The following PCDHA6 variants were observed in gnomAD, a reference collection of about 807,000 sequenced individuals.
PCDHA6 encodes protocadherin alpha-6.
Under a neutral mutation model 60.3 loss-of-function variants are expected in PCDHA6, and 55 were observed. That is an observed-to-expected ratio of 0.91 (90% CI 0.73 to 1.14). The LOEUF (loss-of-function observed/expected upper bound fraction) is 1.14, where lower values mean the gene tolerates loss of function less well. PCDHA6 is among the 50% of genes most tolerant of loss of function. PCDHA6 has a pLI of 0.00. For synonymous variants in PCDHA6, 652 were observed against 557.9 expected (o/e 1.17, Z -2.38); for missense variants, 1,327 against 1,256.5 (o/e 1.06, Z -0.85).
chr5:141,006,357 G>A (rs1296731156), intron 3 of PCDHA6, among the ~76,000 whole-genome samples: 1 of 151,914 alleles, frequency 6.6e-6, no homozygotes, highest in Middle Eastern at 3.4e-3. Context: ...GACTATAGGC[G>A]CCCACCACCA....
chr5:140,968,942 T>C (rs782129541), intron 1 of PCDHA6: 2 of 1,614,214 alleles, frequency 1.2e-6, no homozygotes, highest in South Asian at 2.2e-5. Context: ...AATCATCATT[T>C]TGAGCATCAT....
chr5:140,836,091 G>A, intron 1 of PCDHA6: 1 of 1,613,712 alleles, frequency 6.2e-7, no homozygotes, highest in Non-Finnish European at 8.5e-7. Flanking sequence ...GGCGCCTCGG[G>A]TGGGTGGCAC....
intron 1 of PCDHA6, chr5:140,877,326 G>A: frequency 1.9e-6 from 3 of 1,613,964 alleles, no homozygotes. Flanking sequence ...CGGTCGGCGC[G>A]CACATCCCGT....
At chr5:140,957,852 AT>A (rs5871756) in intron 1 of PCDHA6, among the ~76,000 whole-genome samples, 2 of 151,658 alleles carry the variant, frequency 1.3e-5, no homozygotes, top group African/African-American at 2.4e-5. Context: ...GAGTTTGTGT[AT>A]TTTTTTTCCT....
chr5:140,851,638 T>C, intron 1 of PCDHA6: 1 of 915,858 alleles, frequency 1.1e-6, no homozygotes, highest in Non-Finnish European at 1.3e-6. Flanking sequence ...AAGTGTTTCC[T>C]TTCTTCAAGA....
At position 140,852,208 on chromosome 5, in the gene PCDHA6, C is replaced by G. The variant is rs536842960; in HGVS notation, c.2394+21723C>G. On this transcript the variant is annotated intron_variant, in intron 1 of 3. Transcript: ENST00000529310. ...AAATGCCAGTAACGTTTATTTAAAA[C>G]AAAATATTTTAATTTTTAAATTTTC... 9.1e-6 allele frequency: 6 copies of G among 657,544 alleles called. No homozygotes were observed. In the African/African-American group the frequency reaches 1.2e-4, roughly 13 times the overall value. The allele number at this position is 657,544 out of a possible 1,614,324, so 40.7% of individuals were successfully genotyped here. A position where few individuals can be genotyped will look rare whatever the true frequency, so the allele number is the denominator to read the frequency against.
At chr5:140,867,685 T>C (rs2050105980) in intron 1 of PCDHA6, 1 of 152,116 alleles carries the variant, frequency 6.6e-6, no homozygotes, top group African/African-American at 2.4e-5. Context: ...TGTTGCATCT[T>C]CTTTTTTTCC....
At chr5:140,880,688 A>T (rs1033069078) in intron 1 of PCDHA6, among the ~76,000 whole-genome samples, 2 of 152,224 alleles carry the variant, frequency 1.3e-5, no homozygotes, top group East Asian at 3.8e-4. Flanking sequence ...GAGAATAGTC[A>T]TGGTTAAGTG....
intron 1 of PCDHA6, chr5:140,870,533 C>T (rs1185177447): frequency 1.2e-6 from 2 of 1,614,050 alleles, no homozygotes; most frequent in East Asian, 2.2e-5. Flanking sequence ...TTCACAGTGT[C>T]GGCGCGGGAC....
At chr5:140,929,390 T>C in intron 1 of PCDHA6, 1 of 1,511,570 alleles carries the variant, frequency 6.6e-7, no homozygotes, top group Non-Finnish European at 8.8e-7. Flanking sequence ...TGTTTTGAAA[T>C]ATTTCTTAGA....
chr5:140,834,619 T>C, intron 1 of PCDHA6: 1 of 1,614,188 alleles, frequency 6.2e-7, no homozygotes, highest in Non-Finnish European at 8.5e-7. Flanking sequence ...GAGGTAAATC[T>C]GCAGAATGGC....
intron 1 of PCDHA6, chr5:140,848,328 G>C (rs1554142059): frequency 1.2e-6 from 1 of 817,064 alleles, no homozygotes; most frequent in African/African-American, 1.7e-5. Context: ...TGTTCTCTCT[G>C]AATCCAGACA....
rs199809889 is a variant in PCDHA6, at chr5:140,883,348, A to C, written c.2394+52863A>C. On this transcript the variant is annotated intron_variant, in intron 1 of 3. Transcript: ENST00000529310. ...TCACTTCTTTGTCACTCCCCATCAGAGAAGACACTCAGCCTAGCGCCATTA... is the reference window on the plus strand; with the variant it reads ...TCACTTCTTTGTCACTCCCCATCAGCGAAGACACTCAGCCTAGCGCCATTA... The C allele has an allele frequency of 1.9e-6, 3 of 1,614,172 alleles. No homozygotes were observed. In the African/African-American group the frequency reaches 4.0e-5, roughly 22 times the overall value.
intron 1 of PCDHA6, among the ~76,000 whole-genome samples, chr5:140,839,682 A>T (rs916562974): frequency 3.3e-5 from 5 of 152,030 alleles, no homozygotes; most frequent in African/African-American, 4.8e-5. Context: ...AACTACAGAG[A>T]TTTTTTTGGG....
At chr5:140,862,566 T>C (rs1440139064) in intron 1 of PCDHA6, 1 of 478,068 alleles carries the variant, frequency 2.1e-6, no homozygotes, top group Non-Finnish European at 4.3e-6. Context: ...TGAACCACAA[T>C]GCCCTGGCGT....
intron 1 of PCDHA6, among the ~76,000 whole-genome samples, chr5:140,838,280 A>ATTTTTTTT (rs34299325): frequency 2.9e-5 from 4 of 139,572 alleles, no homozygotes; most frequent in African/African-American, 8.2e-5. Flanking sequence ...AGCCATGCTA[A>ATTTTTTTT]TTTTTTTTTT....
chr5:140,938,758 A>T (rs2153638695), intron 1 of PCDHA6, among the ~76,000 whole-genome samples: 1 of 152,274 alleles, frequency 6.6e-6, no homozygotes, highest in African/African-American at 2.4e-5. Flanking sequence ...AGGCATAGTT[A>T]TTGGGTACTA....
chr5:140,884,504 G>A (rs782001863), intron 1 of PCDHA6: 5 of 1,614,180 alleles, frequency 3.1e-6, no homozygotes, highest in Admixed American at 3.3e-5. Flanking sequence ...CAGCGCGGCA[G>A]GGAGTTGGTC....
intron 1 of PCDHA6, chr5:140,836,231 C>G (rs2150256029): frequency 2.5e-6 from 4 of 1,613,626 alleles, no homozygotes; most frequent in Admixed American, 1.7e-5. Flanking sequence ...CGGTGGCGGC[C>G]GGTGCGAGCA....
Sources: gnomAD v4.1 joint callset for allele counts (sites outside exome capture counted in the v4.1 genomes callset) on GRCh38, gnomAD v4.1.1 for gene constraint, MANE v1.5 for transcripts, NCBI Gene and HGNC (gene_info 2026-07-23, HGNC 2026-07-21) for gene names.